HIPK4: variants seen among roughly 807,000 people sequenced by gnomAD.
HIPK4 encodes homeodomain-interacting protein kinase 4.
A neutral mutation model predicts 44.8 loss-of-function variants in HIPK4; 26 were observed. That is an observed-to-expected ratio of 0.58 (90% CI 0.43 to 0.80). The LOEUF (loss-of-function observed/expected upper bound fraction) is 0.80. Ranked by LOEUF, HIPK4 falls within the 30% of genes least tolerant of loss-of-function variation. The probability of loss-of-function intolerance (pLI) is 0.00; values close to 1 mark genes in which losing one functional copy is unlikely to be tolerated. For synonymous variants in HIPK4, 340 were observed against 355.5 expected, an observed-to-expected ratio of 0.96 and a Z score of 0.49; for missense variants, 729 against 862.6, an observed-to-expected ratio of 0.85 and a Z score of 1.94.
chr19:40,380,967 G>A lies in HIPK4; in HGVS notation c.1024C>T (p.Leu342=). Residue 342 remains leucine, a synonymous_variant, in exon 3 of 4, where the codon CTG becomes TTG. Coordinates refer to ENST00000291823, the MANE Select transcript of HIPK4 (RefSeq NM_144685.5). This position sits in a 1 kb window ranked among gnomAD's most constrained non-coding sequence, Gnocchi z 4.2. ...TGCATGGACACGAAGGGGTGGCGCA[G>A]GGCAGCACTGGGGCTGATGCGTTCG... ...SHERISPSAA[L]RHPFVSMQQL... 1 of 1,612,806 alleles carries A rather than the reference G, an allele frequency of 6.2e-7. No individual in the cohort carries two copies. The highest frequency in any genetic ancestry group is 8.5e-7 in the Non-Finnish European group (1 of 1,179,926).
rs1167366357 is a variant in HIPK4 at position 40,383,813 on chromosome 19, CTTGAGCTGCCAGGGG to C, written c.777_791del (p.Asn259_Leu263del). 6.2e-7 allele frequency: 1 copy of C among 1,613,040 alleles called. No homozygotes were observed. Among genetic ancestry groups the C allele is most frequent in the Admixed American group, 1.7e-5 (1 of 59,954 alleles). ...TCTCGGCCAGGTAGTCAGCCGAGGA[CTTGAGCTGCCAGGGG>C]TTGGCAGCGTCAGGGTGGGGGTTGC... On this transcript the variant is annotated inframe_deletion, in exon 2 of 4. Coordinates refer to ENST00000291823, the MANE Select transcript of HIPK4 (RefSeq NM_144685.5).
chr19:40,384,185 G>A, intron 1 of HIPK4, 46 bp from the exon 2 acceptor site: 2 of 1,480,354 alleles, frequency 1.4e-6, no homozygotes, highest in Non-Finnish European at 1.8e-6. Flanking sequence ...CAAGCAGCAG[G>A]GACAGCCGAG....
intron 1 of HIPK4, among the ~76,000 whole-genome samples, chr19:40,387,954 G>GC (rs983519753): frequency 2.0e-5 from 3 of 146,384 alleles, no homozygotes; most frequent in Non-Finnish European, 4.5e-5. Flanking sequence ...TCCTGCCTCT[G>GC]CCCCCCAACT....
chr19:40,381,782 T>C (rs1487450283), intron 2 of HIPK4, among the ~76,000 whole-genome samples: 1 of 124,798 alleles, frequency 8.0e-6, no homozygotes, highest in African/African-American at 2.9e-5. Flanking sequence ...CTCACTCAGA[T>C]CCTTTTTTTT....
At position 40,379,436 on chromosome 19, in the gene HIPK4, C is replaced by T. The variant is rs956405733; in HGVS notation, c.*151G>A. 1.3e-5 allele frequency: 9 copies of T among 717,322 alleles called. No homozygotes were observed. The highest frequency in any genetic ancestry group is 1.2e-4 in the East Asian group (4 of 33,120). 44.4% of individuals were successfully genotyped at this position (717,322 alleles called of 1,614,324 possible). Reference sequence around the variant, plus strand: ...AGAGGTGTGCAGGCACGCACCGCACCGCAGACGGGGAATGAGAATTTCTGG... The same window carrying T: ...AGAGGTGTGCAGGCACGCACCGCACTGCAGACGGGGAATGAGAATTTCTGG... On this transcript the variant is annotated 3_prime_UTR_variant, in exon 4 of 4. Transcript: ENST00000291823.
At chr19:40,381,250 GTAGCCCCGACTTC>G in intron 2 of HIPK4, 82 bp from the exon 3 acceptor site, 1 of 1,142,184 alleles carries the variant, frequency 8.8e-7, no homozygotes, top group Non-Finnish European at 1.2e-6. Flanking sequence ...GCACCCACAT[GTAGCCCCGACTTC>G]CAGGTCTGCC....
chr19:40,385,365 A>G (rs1373445990), intron 1 of HIPK4, among the ~76,000 whole-genome samples: 3 of 151,810 alleles, frequency 2.0e-5, no homozygotes, highest in Non-Finnish European at 4.4e-5. Context: ...CACTCTCCCC[A>G]TCACTCACCC....
rs1043179865 is a variant in HIPK4 at position 40,379,781 on chromosome 19, G to A, written c.1669-12C>T. 1.9e-6 allele frequency: 3 copies of A among 1,604,774 alleles called. No homozygotes were observed. The African/African-American group carries it at 4.0e-5, about 22-fold the overall frequency. On this transcript the variant is annotated splice_polypyrimidine_tract_variant and intron_variant, in intron 3 of 3. Coordinates refer to ENST00000291823, the MANE Select transcript of HIPK4 (RefSeq NM_144685.5). ...TCAGGGTCTGGCCTCTGTGGGGGAA[G>A]AGAGAGGGGCATCAGCCAAGCAGTG...
intron 1 of HIPK4, among the ~76,000 whole-genome samples, chr19:40,386,159 T>C (rs903493385): frequency 3.3e-5 from 5 of 152,194 alleles, no homozygotes; most frequent in African/African-American, 1.2e-4. Context: ...AACCTCCACC[T>C]ACTGGATTCA....
chr19:40,384,174 T>A, intron 1 of HIPK4, 35 bp from the exon 2 acceptor site: 1 of 1,523,764 alleles, frequency 6.6e-7, no homozygotes, highest in African/African-American at 1.4e-5. Context: ...AGTGGGCAGG[T>A]CAAGCAGCAG....
chr19:40,381,169 C>T lies in HIPK4; in HGVS notation c.823-1G>A. 1.3e-6 allele frequency: 2 copies of T among 1,590,680 alleles called. No individual in the cohort carries two copies. The highest frequency in any genetic ancestry group is 1.7e-6 in the Non-Finnish European group (2 of 1,172,666). On this transcript the variant is annotated splice_acceptor_variant, in intron 2 of 3. Coordinates refer to ENST00000291823, the MANE Select transcript of HIPK4 (RefSeq NM_144685.5). LOFTEE classifies it high-confidence loss of function. ...ACTTGCGGCGCTCCAATGGGCGCAC[C>T]TGGCGGGGCATGGAGAAGGGGGCAG...
chr19:40,379,320 G>A lies in HIPK4; in HGVS notation c.*267C>T, dbSNP rs1568691838. The A allele has an allele frequency of 4.2e-6, 2 of 476,632 alleles. No individual in the cohort carries two copies. Among genetic ancestry groups the A allele is most frequent in the Non-Finnish European group, 7.4e-6 (2 of 271,774 alleles). The allele number at this position is 476,632 out of a possible 1,614,324, so 29.5% of individuals were successfully genotyped here. A position where few individuals can be genotyped will look rare whatever the true frequency, so the allele number is the denominator to read the frequency against. The stretch of plus-strand genomic sequence containing the variant: ...AGACAGAGGCAGCAGGGCCAAGGGC[G>A]AGCGCAGGGCCAGCGGGGTGCAGCC... On this transcript the variant is annotated 3_prime_UTR_variant, in exon 4 of 4. Transcript: ENST00000291823.
At chr19:40,382,596 G>T (rs189334458) in intron 2 of HIPK4, among the ~76,000 whole-genome samples, 2 of 152,074 alleles carry the variant, frequency 1.3e-5, no homozygotes, top group Admixed American at 1.3e-4. Context: ...AATTCTCCCT[G>T]CAGTTTCTCC....
chr19:40,387,010 A>G (rs2079366347), intron 1 of HIPK4, among the ~76,000 whole-genome samples: 1 of 151,982 alleles, frequency 6.6e-6, no homozygotes, highest in South Asian at 2.1e-4. Context: ...ACATGCCACC[A>G]TGCCCAGCTA....
At position 40,380,896 on chromosome 19, in the gene HIPK4, C is replaced by T. The variant is rs766506835; in HGVS notation, c.1095G>A (p.Ser365=). Residue 365 remains serine (S), a synonymous_variant, in exon 3 of 4, where the codon TCG becomes TCA. Transcript: ENST00000291823. The surrounding 1 kb of genome is among the most constrained non-coding windows in gnomAD (Gnocchi z 4.2). ...AHETTHYYQL[S]LRSYRLSLQV... The stretch of plus-strand genomic sequence containing the variant: ...GCAGCGAGAGGCGGTAGCTGCGCAG[C>T]GAGAGCTGGTAGTAGTGGGTGGTCT... The T allele has an allele frequency of 5.0e-6, 8 of 1,605,764 alleles. No individual in the cohort carries two copies. Among genetic ancestry groups the T allele is most frequent in the Admixed American group, 3.3e-5 (2 of 59,854 alleles).
chr19:40,388,487 T>C (rs1568697861), intron 1 of HIPK4, among the ~76,000 whole-genome samples: 1 of 152,182 alleles, frequency 6.6e-6, no homozygotes. Flanking sequence ...GGGGTGATAA[T>C]GCCGGCCAGG....
chr19:40,383,109 G>C (rs2079345704), intron 2 of HIPK4, among the ~76,000 whole-genome samples: 1 of 120,632 alleles, frequency 8.3e-6, no homozygotes, highest in Admixed American at 9.8e-5. Context: ...TTGAGACGGA[G>C]TCTCACTCTG....
chr19:40,381,080 G>A lies in HIPK4; in HGVS notation c.911C>T (p.Thr304Ile), dbSNP rs79330270. ...VNGGSVASRL[T>I]FPDREALAEH... ...CGCCAGCGCCTCCCGGTCAGGGAAG[G>A]TTAGCCGACTGGCCACACTGCCACC... The change falls in exon 3 of 4, where the codon ACC (threonine) becomes ATC (isoleucine). Residue 304 changes from threonine to isoleucine, a missense_variant. Physicochemically the swap from Thr to Ile is moderately conservative, Grantham distance 89 (BLOSUM62 -1). This residue lies in a region of HIPK4 where 533 missense variants were observed against 567.5 expected (regional missense o/e 0.94). Transcript: ENST00000291823. The A allele has an allele frequency of 9.0e-4, 1,451 of 1,612,806 alleles. 13 individuals are homozygous for A. In the African/African-American group the frequency reaches 0.015, roughly 17 times the overall value.
intron 2 of HIPK4, 36 bp from the exon 3 acceptor site, chr19:40,381,204 T>C (rs773534293): frequency 3.7e-5 from 58 of 1,549,482 alleles, no homozygotes; most frequent in Non-Finnish European, 2.7e-5. Flanking sequence ...GGGTTGACCA[T>C]TGTGCAGGGC....
Sources: gnomAD v4.1 joint callset for allele counts (sites outside exome capture counted in the v4.1 genomes callset) on GRCh38, gnomAD v4.1.1 for gene constraint, gnomAD v4.1.1 regional missense constraint, Gnocchi (gnomAD v3.1) non-coding constraint, MANE v1.5 for transcripts, NCBI Gene and HGNC (gene_info 2026-07-23, HGNC 2026-07-21) for gene names.